FBXL14: variants seen among roughly 807,000 people sequenced by gnomAD.
The protein encoded by FBXL14 is F-box and leucine rich repeat protein 14.
Under a neutral mutation model 24.5 loss-of-function variants are expected in FBXL14, and 11 were observed. The ratio of observed to expected loss-of-function variants is 0.45; its 90% CI spans 0.28 to 0.74. The LOEUF is 0.74. FBXL14 is among the 30% of genes least tolerant of loss of function. The pLI, the probability that FBXL14 is intolerant of heterozygous loss-of-function variation, is 0.12. For missense variants in FBXL14, 384 were observed against 545.6 expected (o/e 0.70, Z 2.95); for synonymous variants, 294 against 240.4 (o/e 1.22, Z -2.06).
intron 1 of FBXL14, among the ~76,000 whole-genome samples, chr12:1,572,654 A>G (rs1302689080): frequency 6.6e-6 from 1 of 152,200 alleles, no homozygotes; most frequent in Non-Finnish European, 1.5e-5. Flanking sequence ...AGAGGAAGGC[A>G]GGGCCAGGTT....
At chr12:1,568,844 G>C (rs1433106570) in intron 1 of FBXL14, among the ~76,000 whole-genome samples, 1 of 152,094 alleles carries the variant, frequency 6.6e-6, no homozygotes, top group Non-Finnish European at 1.5e-5. Context: ...CTGGGTGACA[G>C]AGACTCCATC....
chr12:1,570,194 A>C (rs368869972), intron 1 of FBXL14, among the ~76,000 whole-genome samples: 1 of 152,162 alleles, frequency 6.6e-6, no homozygotes, highest in African/African-American at 2.4e-5. Context: ...TACTTGTGAC[A>C]TGAGGAGCTA....
At chr12:1,586,960 G>A (rs563766157) in intron 1 of FBXL14, among the ~76,000 whole-genome samples, 212 of 152,288 alleles carry the variant, frequency 1.4e-3, no homozygotes, top group African/African-American at 5.0e-3. Flanking sequence ...TAAAGTGGCC[G>A]GGCGCGGTGG....
At position 1,579,295 on chromosome 12, in the gene FBXL14, C is replaced by T. The variant is rs1306291037; in HGVS notation, c.1195-12485G>A. On this transcript the variant is annotated intron_variant, in intron 1 of 1. Transcript: ENST00000339235. The surrounding 1 kb of genome is among the most constrained non-coding windows in gnomAD (Gnocchi z 4.3). ...AAAAATATATCAATAAGGCATCATA[C>T]TGACGAAAACAAAACCAGAGGTTTT... Among the ~76,000 whole-genome samples the T allele has an allele frequency of 6.6e-6, 1 of 151,994 alleles. No homozygotes were observed. The highest frequency in any genetic ancestry group is 2.4e-5 in the African/African-American group (1 of 41,406).
chr12:1,586,538 T>G (rs1592479531), intron 1 of FBXL14, among the ~76,000 whole-genome samples: 1 of 152,086 alleles, frequency 6.6e-6, no homozygotes, highest in African/African-American at 2.4e-5. Flanking sequence ...GACAGGGTGG[T>G]GCTTTGCAGT....
intron 1 of FBXL14, among the ~76,000 whole-genome samples, chr12:1,587,145 GAGAATCA>G (rs2094478339): frequency 6.6e-6 from 1 of 151,482 alleles, no homozygotes; most frequent in African/African-American, 2.4e-5. Context: ...ACTGGGGCAG[GAGAATCA>G]CTTGAACCTG....
chr12:1,587,609 A>G (rs1431898306), intron 1 of FBXL14: 1 of 152,244 alleles, frequency 6.6e-6, no homozygotes, highest in Non-Finnish European at 1.5e-5. Flanking sequence ...GAAATTCCAT[A>G]CAAGAGCTGA....
intron 1 of FBXL14, among the ~76,000 whole-genome samples, chr12:1,586,491 G>GC (rs2094476824): frequency 2.0e-5 from 3 of 152,298 alleles, no homozygotes; most frequent in Admixed American, 2.0e-4. Flanking sequence ...ACAGATGTGT[G>GC]CCGTGCCTGG....
At chr12:1,574,029 G>C (rs1003896310) in intron 1 of FBXL14, among the ~76,000 whole-genome samples, 8 of 150,862 alleles carry the variant, frequency 5.3e-5, no homozygotes, top group African/African-American at 9.8e-5. Context: ...AAAAAAAAAA[G>C]AGTGAAATGG....
chr12:1,588,851 C>T (rs1383033974), intron 1 of FBXL14, among the ~76,000 whole-genome samples: 1 of 151,992 alleles, frequency 6.6e-6, no homozygotes, highest in Non-Finnish European at 1.5e-5. Context: ...ACTATCAATT[C>T]ATGTCCTTTA....
chr12:1,575,743 T>C (rs2094454640), intron 1 of FBXL14, among the ~76,000 whole-genome samples: 1 of 152,032 alleles, frequency 6.6e-6, no homozygotes, highest in African/African-American at 2.4e-5. Context: ...GGTTTCTCGG[T>C]AGGAAAATAG....
intron 1 of FBXL14, chr12:1,574,799 CTT>C (rs1365667701): frequency 2.0e-5 from 3 of 153,468 alleles, no homozygotes; most frequent in African/African-American, 7.3e-5. Context: ...GGGACTTACT[CTT>C]GTCACAGCCC....
At chr12:1,571,962 C>A (rs2094446219) in intron 1 of FBXL14, among the ~76,000 whole-genome samples, 1 of 152,186 alleles carries the variant, frequency 6.6e-6, no homozygotes, top group Non-Finnish European at 1.5e-5. Context: ...ACCTCACCAC[C>A]CATAGCCTGT....
Position 1,566,819 on chromosome 12 carries a change from G to GGAA in FBXL14, c.1195-12_1195-10dup. The GGAA allele has an allele frequency of 1.3e-6, 1 of 780,736 alleles. No homozygotes were observed. The highest frequency in any genetic ancestry group is 2.3e-4 in the Middle Eastern group (1 of 4,440). 48.4% of individuals were successfully genotyped at this position (780,736 alleles called of 1,614,324 possible). ...AAATCCCCTCGTGCCTCCTGCAGTG[G>GGAA]GAAGAAGAAAAAGGACCATTTTGAA... On this transcript the variant is annotated splice_polypyrimidine_tract_variant and intron_variant, in intron 1 of 1. Coordinates refer to ENST00000339235, the MANE Select transcript of FBXL14 (RefSeq NM_152441.3).
chr12:1,586,657 T>C (rs1318711772), intron 1 of FBXL14, among the ~76,000 whole-genome samples: 1 of 152,202 alleles, frequency 6.6e-6, no homozygotes, highest in South Asian at 2.1e-4. Context: ...GCAAAATCTT[T>C]TCCACTTTGT....
rs143745759 is a variant in FBXL14, at chr12:1,577,471, G to A, written c.1195-10661C>T. On this transcript the variant is annotated intron_variant, in intron 1 of 1. Coordinates refer to ENST00000339235, the MANE Select transcript of FBXL14 (RefSeq NM_152441.3). ...ATGTATTATTTTAAAGAGCAGCCTT[G>A]AATAGGCAGGCATATTTTAGTAAAA... Among the ~76,000 whole-genome samples, 704 of 152,164 alleles carry A rather than the reference G, an allele frequency of 4.6e-3. 7 individuals are homozygous for A. The highest frequency in any genetic ancestry group is 0.016 in the African/African-American group (682 of 41,512).
intron 1 of FBXL14, among the ~76,000 whole-genome samples, chr12:1,570,496 G>A (rs1346030929): frequency 6.6e-6 from 1 of 152,168 alleles, no homozygotes; most frequent in Admixed American, 6.5e-5. Flanking sequence ...GTGAAGGTGG[G>A]AAATGTGGGT....
At chr12:1,586,231 C>T (rs535142453) in intron 1 of FBXL14, among the ~76,000 whole-genome samples, 52 of 146,852 alleles carry the variant, frequency 3.5e-4, no homozygotes, top group African/African-American at 1.3e-3. Flanking sequence ...TTTGGTGTGG[C>T]ACCTTTTAAG....
In FBXL14 at chr12:1,567,313, T is replaced by TA. The variant is rs773981665; in HGVS notation, c.1195-504dup. Among the ~76,000 whole-genome samples the TA allele has an allele frequency of 6.7e-6, 1 of 149,998 alleles. No individual in the cohort carries two copies. The highest frequency in any genetic ancestry group is 6.7e-5 in the Admixed American group (1 of 15,030). ...CCCCATCTCTACTAAAAATAAAAAT[T>TA]AAAAAAAAGGAAAAGAAAGAAAAGA... is the stretch of plus-strand genomic sequence containing the variant. On this transcript the variant is annotated intron_variant, in intron 1 of 1. Transcript: ENST00000339235. The surrounding 1 kb of genome is among the most constrained non-coding windows in gnomAD (Gnocchi z 4.8).
Sources: allele counts gnomAD v4.1 joint callset (sites outside exome capture counted in the v4.1 genomes callset), GRCh38; gene constraint gnomAD v4.1.1; non-coding constraint Gnocchi (gnomAD v3.1); transcripts MANE v1.5; gene names NCBI Gene and HGNC (gene_info 2026-07-23, HGNC 2026-07-21).